ABCC5: variants seen among roughly 807,000 people sequenced by gnomAD.
ABCC5 encodes ATP binding cassette subfamily C member 5.
A neutral mutation model predicts 160.9 loss-of-function variants in ABCC5; 61 were observed. The ratio of observed to expected loss-of-function variants is 0.38; its 90% CI spans 0.31 to 0.47. The LOEUF is 0.47. Among genes scored for constraint, ABCC5 ranks in the 20% least tolerant of loss-of-function variants. The pLI is 0.99. For missense variants in ABCC5, 1,308 were observed against 1,813.3 expected, an observed-to-expected ratio of 0.72 and a Z score of 5.06; for synonymous variants, 666 against 700.6, an observed-to-expected ratio of 0.95 and a Z score of 0.78.
rs115255324 is a variant in ABCC5, at chr3:183,932,574, C to A, written c.3855-3749G>T. Among the ~76,000 whole-genome samples the A allele has an allele frequency of 1.3e-3, 193 of 152,302 alleles. 2 individuals are homozygous for A. The highest frequency in any genetic ancestry group is 4.5e-3 in the African/African-American group (188 of 41,566). On this transcript the variant is annotated intron_variant, in intron 26 of 29. Transcript: ENST00000334444. Reference sequence around the variant, plus strand: ...AGTGTAATGAGTAGAGCCAGCCGGCCAGCCTGGGTTCAAATCCTAGCTCTG... The same window carrying A: ...AGTGTAATGAGTAGAGCCAGCCGGCAAGCCTGGGTTCAAATCCTAGCTCTG...
chr3:183,936,917 G>A (rs1267565967), intron 26 of ABCC5, among the ~76,000 whole-genome samples: 1 of 152,246 alleles, frequency 6.6e-6, no homozygotes, highest in Non-Finnish European at 1.5e-5. Context: ...AAGATAATGT[G>A]ATGCTTTCTC....
At chr3:183,993,483 CAAAAAAAAAAA>C (rs57885159) in intron 2 of ABCC5, among the ~76,000 whole-genome samples, 4 of 105,508 alleles carry the variant, frequency 3.8e-5, no homozygotes, top group African/African-American at 6.9e-5. Context: ...GACCCTGTCT[CAAAAAAAAAAA>C]AAAAAAAAAA....
chr3:184,000,102 C>T (rs1246247259), intron 2 of ABCC5, among the ~76,000 whole-genome samples: 3 of 151,838 alleles, frequency 2.0e-5, no homozygotes, highest in African/African-American at 7.3e-5. Context: ...CTCACACCTA[C>T]AATCCCAGCA....
Position 183,987,159 on chromosome 3 carries a change from T to TGGTC in ABCC5, c.591+610_591+611insGACC. The TGGTC allele has an allele frequency of 6.2e-6, 1 of 161,326 alleles. No individual in the cohort carries two copies. Among genetic ancestry groups the TGGTC allele is most frequent in the Admixed American group, 5.8e-5 (1 of 17,288 alleles). The allele number at this position is 161,326 out of a possible 1,614,324, so 10.0% of individuals were successfully genotyped here. On this transcript the variant is annotated intron_variant, in intron 5 of 29. Coordinates refer to ENST00000334444, the MANE Select transcript of ABCC5 (RefSeq NM_005688.4). The surrounding 1 kb of genome is among the most constrained non-coding windows in gnomAD (Gnocchi z 4.2). ...CAGCACAGCAGGTGTAAGAAACAGG[T>TGGTC]GCCCAGGAAACAGAGTGAACGTCAA...
intron 26 of ABCC5, among the ~76,000 whole-genome samples, chr3:183,934,760 T>C (rs1392969987): frequency 1.3e-5 from 2 of 152,128 alleles, no homozygotes; most frequent in Admixed American, 1.3e-4. Flanking sequence ...CAAGTGATCC[T>C]TCCGTCTCGG....
At position 183,988,880 on chromosome 3, in the gene ABCC5, G is replaced by A. The variant is rs983051913; in HGVS notation, c.288-153C>T. 3.9e-5 allele frequency among the ~76,000 whole-genome samples: 6 copies of A among 152,050 alleles called. No individual in the cohort carries two copies. Among genetic ancestry groups the A allele is most frequent in the African/African-American group, 1.4e-4 (6 of 41,404 alleles). On this transcript the variant is annotated intron_variant, in intron 3 of 29. Transcript: ENST00000334444. This position sits in a 1 kb window ranked among gnomAD's most constrained non-coding sequence, Gnocchi z 4.4. ...AGCCTGAATGTTCTAAAACGGCTTTGATGGGCCGGGCGCGGTGGCTCACAC... is the reference window on the plus strand; with the variant it reads ...AGCCTGAATGTTCTAAAACGGCTTTAATGGGCCGGGCGCGGTGGCTCACAC...
At chr3:183,943,694 A>C (rs544165175) in intron 24 of ABCC5, among the ~76,000 whole-genome samples, 1 of 152,292 alleles carries the variant, frequency 6.6e-6, no homozygotes, top group South Asian at 2.1e-4. Flanking sequence ...TAAAACTCCA[A>C]GCTGGAAGGA....
At chr3:183,937,606 C>T (rs1713863251) in intron 26 of ABCC5, among the ~76,000 whole-genome samples, 1 of 152,200 alleles carries the variant, frequency 6.6e-6, no homozygotes, top group Non-Finnish European at 1.5e-5. Flanking sequence ...GAAACAGGCA[C>T]AGGAGTGGTT....
chr3:183,959,635 T>A (rs1011439536), intron 17 of ABCC5, 98 bp downstream of exon 17: 10 of 926,104 alleles, frequency 1.1e-5, no homozygotes, highest in Non-Finnish European at 1.3e-5. Context: ...ATTTATATTG[T>A]ACACACACTG....
At chr3:183,957,720 G>A (rs540121808) in intron 17 of ABCC5, among the ~76,000 whole-genome samples, 304 of 150,910 alleles carry the variant, frequency 2.0e-3, no homozygotes, top group Non-Finnish European at 3.4e-3. Flanking sequence ...ATGCGGATCC[G>A]TGTGTACATC....
At position 183,982,834 on chromosome 3, in the gene ABCC5, TA is replaced by T. The variant is rs769705297; in HGVS notation, c.764del (p.Leu255GlnfsTer11). 6.2e-7 allele frequency: 1 copy of T among 1,614,194 alleles called. No individual in the cohort carries two copies. Among genetic ancestry groups the T allele is most frequent in the Non-Finnish European group, 8.5e-7 (1 of 1,180,028 alleles). ...RTGVRLRGAI[L>X]TMAFKKILKL... is the part of the protein sequence containing the mutation. ...TAAGGATCTTCTTAAATGCCATGGT[TA>T]GGATGGCCCCCCGCAAGCGGACACC... On this transcript the variant is annotated frameshift_variant, in exon 6 of 30. Transcript: ENST00000334444. LOFTEE classifies it high-confidence loss of function. This position sits in a 1 kb window ranked among gnomAD's most constrained non-coding sequence, Gnocchi z 5.2.
chr3:183,963,480 C>T lies in ABCC5; in HGVS notation c.2140G>A (p.Ala714Thr), dbSNP rs1399884130. 3 of 1,614,132 alleles carry T rather than the reference C, an allele frequency of 1.9e-6. No homozygotes were observed. The African/African-American group carries it at 4.0e-5, about 22-fold the overall frequency. ...TGGTTGCCCACATGGGCATCTAAGG[C>T]ACTGAGGGGGTCGTCCAGGATGTAG... ...SIYILDDPLSALDAHVGNHIF... is the reference protein window; with the variant it reads ...SIYILDDPLSTLDAHVGNHIF... The change falls in exon 15 of 30, where the codon GCC (alanine) becomes ACC (threonine). Residue 714 changes from alanine (A) to threonine (T), a missense_variant. Ala to Thr is a moderately conservative substitution (Grantham distance 58). Transcript: ENST00000334444. The surrounding 1 kb of genome is among the most constrained non-coding windows in gnomAD (Gnocchi z 4.6).
intron 29 of ABCC5, among the ~76,000 whole-genome samples, chr3:183,924,478 A>T (rs1048424078): frequency 6.6e-6 from 1 of 152,220 alleles, no homozygotes; most frequent in African/African-American, 2.4e-5. Flanking sequence ...GTAAACATTC[A>T]GTAGAAGTAG....
rs764155308 is a variant in ABCC5, at chr3:183,963,513, T to A, written c.2107A>T (p.Arg703Trp). 6.2e-7 allele frequency: 1 copy of A among 1,614,256 alleles called. No homozygotes were observed. Among genetic ancestry groups the A allele is most frequent in the Non-Finnish European group, 8.5e-7 (1 of 1,180,058 alleles). ...GGGTCGTCCAGGATGTAGATGCTCCTGTCACTATACAAGGCCCGGGCAAGG... is the reference window on the plus strand; with the variant it reads ...GGGTCGTCCAGGATGTAGATGCTCCAGTCACTATACAAGGCCCGGGCAAGG... Reference protein sequence around the residue: ...ISLARALYSDRSIYILDDPLS... With the variant: ...ISLARALYSDWSIYILDDPLS... Residue 703 changes from arginine (R) to tryptophan (W), a missense_variant, in exon 15 of 30, where the codon AGG (arginine) becomes TGG (tryptophan). By Grantham distance (101) the Arg-to-Trp change is moderately radical. Coordinates refer to ENST00000334444, the MANE Select transcript of ABCC5 (RefSeq NM_005688.4). The surrounding 1 kb of genome is among the most constrained non-coding windows in gnomAD (Gnocchi z 4.6).
chr3:183,985,408 C>T (rs777677517), intron 5 of ABCC5: 2 of 1,587,574 alleles, frequency 1.3e-6, no homozygotes, highest in South Asian at 1.1e-5. Context: ...ACTGGTTCCA[C>T]TACAGAGAGA....
At chr3:184,001,339 C>T (rs1720727484) in intron 2 of ABCC5, 1 of 437,932 alleles carries the variant, frequency 2.3e-6, no homozygotes, top group Non-Finnish European at 4.1e-6. Context: ...AACATATAAT[C>T]AATGTGAAAA....
chr3:183,967,598 T>A, intron 12 of ABCC5, 97 bp downstream of exon 12: 1 of 1,078,612 alleles, frequency 9.3e-7, no homozygotes, highest in Non-Finnish European at 1.4e-6. Context: ...TTCATTTGTT[T>A]CCACCTTTCC....
At chr3:183,981,348 T>C (rs938016920) in intron 8 of ABCC5, among the ~76,000 whole-genome samples, 2 of 152,070 alleles carry the variant, frequency 1.3e-5, no homozygotes, top group African/African-American at 4.8e-5. Context: ...AACCACAGAG[T>C]AGAGTGGGCA....
At chr3:183,990,094 C>T (rs908090953) in intron 2 of ABCC5, among the ~76,000 whole-genome samples, 9 of 150,388 alleles carry the variant, frequency 6.0e-5, no homozygotes, top group African/African-American at 1.7e-4. Flanking sequence ...TGAGCCACCG[C>T]GCCCGGCCCT....
Sources: allele counts gnomAD v4.1 joint callset (sites outside exome capture counted in the v4.1 genomes callset), GRCh38; gene constraint gnomAD v4.1.1; non-coding constraint Gnocchi (gnomAD v3.1); transcripts MANE v1.5; gene names NCBI Gene and HGNC (gene_info 2026-07-23, HGNC 2026-07-21).